Variants in IGSF21 observed in about 807,000 individuals in gnomAD.
IGSF21 encodes the protein immunoglobin superfamily member 21.
IGSF21 carries 28 observed loss-of-function variants against 46.8 expected under a neutral mutation model. The observed-to-expected ratio is 0.60, with a 90% CI of 0.44 to 0.82. The LOEUF is 0.82. IGSF21 is among the 40% of genes least tolerant of loss of function. The probability of loss-of-function intolerance (pLI) is 0.00; values close to 1 mark genes in which losing one functional copy is unlikely to be tolerated. For missense variants in IGSF21, 624 were observed against 665.5 expected, an observed-to-expected ratio of 0.94 and a Z score of 0.69; for synonymous variants, 284 against 273.6, an observed-to-expected ratio of 1.04 and a Z score of -0.38.
intron 2 of IGSF21, among the ~76,000 whole-genome samples, chr1:18,232,707 G>A (rs2084639844): frequency 6.6e-6 from 1 of 152,202 alleles, no homozygotes; most frequent in Non-Finnish European, 1.5e-5. Context: ...TATCTGAAGA[G>A]CAAAGACTGT....
intron 1 of IGSF21, among the ~76,000 whole-genome samples, chr1:18,171,562 C>A (rs1206735705): frequency 6.6e-6 from 1 of 152,198 alleles, no homozygotes; most frequent in Non-Finnish European, 1.5e-5. Context: ...CCACGAGTGA[C>A]TTTTCCTCTC....
chr1:18,217,792 C>T (rs1023033852), intron 1 of IGSF21, among the ~76,000 whole-genome samples: 1 of 152,180 alleles, frequency 6.6e-6, no homozygotes, highest in African/African-American at 2.4e-5. Context: ...AGTCAAAGGG[C>T]CTGCCTGCCA....
chr1:18,118,595 G>T (rs1570240905), intron 1 of IGSF21, among the ~76,000 whole-genome samples: 2 of 152,338 alleles, frequency 1.3e-5, no homozygotes, highest in South Asian at 4.1e-4. Flanking sequence ...GAAGGAGTGA[G>T]GTGGGGGGCG....
At chr1:18,294,850 G>A (rs1172679101) in intron 3 of IGSF21, among the ~76,000 whole-genome samples, 2 of 152,266 alleles carry the variant, frequency 1.3e-5, no homozygotes, top group Admixed American at 6.5e-5. Context: ...TGCTGGGGGC[G>A]ACTGCCTCTT....
intron 4 of IGSF21, among the ~76,000 whole-genome samples, chr1:18,348,672 G>A (rs2085920316): frequency 1.3e-5 from 2 of 152,194 alleles, no homozygotes; most frequent in South Asian, 4.1e-4. Flanking sequence ...TGGGAGAGCA[G>A]GGATCACAGC....
chr1:18,192,061 A>G (rs1210505066), intron 1 of IGSF21, among the ~76,000 whole-genome samples: 21 of 152,144 alleles, frequency 1.4e-4, no homozygotes, highest in Admixed American at 1.3e-3. Context: ...CAGGCTTCAG[A>G]TGGCAGAAGA....
At chr1:18,115,951 C>T (rs770360796) in intron 1 of IGSF21, 4 of 151,744 alleles carry the variant, frequency 2.6e-5, no homozygotes, top group Non-Finnish European at 4.4e-5. Context: ...CACCGAGCAG[C>T]TACTATGTGC....
chr1:18,180,521 G>C (rs1189745196), intron 1 of IGSF21, among the ~76,000 whole-genome samples: 1 of 152,208 alleles, frequency 6.6e-6, no homozygotes, highest in Non-Finnish European at 1.5e-5. Flanking sequence ...ATAAAACAAA[G>C]TGTAGACAGG....
At chr1:18,343,064 G>C (rs533975134) in intron 4 of IGSF21, among the ~76,000 whole-genome samples, 13 of 152,320 alleles carry the variant, frequency 8.5e-5, no homozygotes, top group Admixed American at 7.2e-4. Flanking sequence ...AACTGCATAT[G>C]AGTCCCAACT....
intron 2 of IGSF21, among the ~76,000 whole-genome samples, chr1:18,291,215 C>A (rs1346136864): frequency 6.6e-6 from 1 of 151,982 alleles, no homozygotes. Context: ...CTGGCTTCAT[C>A]GCCACCTCCC....
chr1:18,164,248 T>C (rs1206942858), intron 1 of IGSF21, among the ~76,000 whole-genome samples: 2 of 152,294 alleles, frequency 1.3e-5, no homozygotes, highest in East Asian at 1.9e-4. Flanking sequence ...TGGGTTTGAC[T>C]GACTCCAGGG....
rs1219322385 is a variant in IGSF21 at position 18,337,457 on chromosome 1, A to G, written c.424+2447A>G. Among the ~76,000 whole-genome samples, 1 of 152,168 alleles carries G rather than the reference A, an allele frequency of 6.6e-6. No individual in the cohort carries two copies. Among genetic ancestry groups the G allele is most frequent in the Non-Finnish European group, 1.5e-5 (1 of 68,028 alleles). ...CTCTGATGTGCCCACTCCTGGGCAC[A>G]ACTGTGTCTGCCTCCCTCTTGCCCC... On this transcript the variant is annotated intron_variant, in intron 4 of 9. Transcript: ENST00000251296. This position sits in a 1 kb window ranked among gnomAD's most constrained non-coding sequence, Gnocchi z 5.7.
Position 18,217,540 on chromosome 1 carries a change from C to T in IGSF21, c.71-10358C>T, listed in dbSNP as rs571982361. Reference sequence around the variant, plus strand: ...ACAACTTCCTGGCCCTCCTTGCAGACTTTGCTGGCTTTGAACTTGAAAATG... The same window carrying T: ...ACAACTTCCTGGCCCTCCTTGCAGATTTTGCTGGCTTTGAACTTGAAAATG... On this transcript the variant is annotated intron_variant, in intron 1 of 9. Coordinates refer to ENST00000251296, the MANE Select transcript of IGSF21 (RefSeq NM_032880.5). Among the ~76,000 whole-genome samples the T allele has an allele frequency of 3.9e-5, 6 of 152,362 alleles. No individual in the cohort carries two copies. In the South Asian group the frequency reaches 1.2e-3, roughly 32 times the overall value.
chr1:18,172,156 C>G (rs2086743150), intron 1 of IGSF21, among the ~76,000 whole-genome samples: 1 of 152,178 alleles, frequency 6.6e-6, no homozygotes, highest in Non-Finnish European at 1.5e-5. Context: ...TAGAATCCCC[C>G]TAGCTCAAGA....
Position 18,274,471 on chromosome 1 carries a change from C to T in IGSF21, c.184-17395C>T, listed in dbSNP as rs182866001. Among the ~76,000 whole-genome samples, 115 of 152,362 alleles carry T rather than the reference C, an allele frequency of 7.5e-4. No homozygotes were observed. The South Asian group carries it at 0.012, about 16-fold the overall frequency. On this transcript the variant is annotated intron_variant, in intron 2 of 9. Transcript: ENST00000251296. ...GGCTTATAAGCTAGACCAGGGGTTG[C>T]CTAACTCTGGCCCATTGGCCAAATC...
At chr1:18,134,794 C>T (rs2086354181) in intron 1 of IGSF21, among the ~76,000 whole-genome samples, 1 of 152,230 alleles carries the variant, frequency 6.6e-6, no homozygotes, top group Admixed American at 6.5e-5. Context: ...TCCACTGTGG[C>T]TGGCTCCTCC....
chr1:18,184,990 A>G (rs1027832819), intron 1 of IGSF21, among the ~76,000 whole-genome samples: 1 of 152,222 alleles, frequency 6.6e-6, no homozygotes. Context: ...AGTTGTTGGA[A>G]GAATACAAGG....
At chr1:18,275,919 G>T (rs924317230) in intron 2 of IGSF21, among the ~76,000 whole-genome samples, 1 of 152,120 alleles carries the variant, frequency 6.6e-6, no homozygotes, top group African/African-American at 2.4e-5. Context: ...CTCCTAAGAG[G>T]ACTACAGTCC....
rs370798003 is a variant in IGSF21, at chr1:18,365,266, T to C, written c.584T>C (p.Leu195Pro). Residue 195 changes from leucine (L) to proline (P), a missense_variant, in exon 6 of 10, where the codon CTA (leucine) becomes CCA (proline). Coordinates refer to ENST00000251296, the MANE Select transcript of IGSF21 (RefSeq NM_032880.5). The surrounding 1 kb of genome is among the most constrained non-coding windows in gnomAD (Gnocchi z 4.8). Reference protein sequence around the residue: ...RDGEPIDAVPLSEPPAASSGP... With the variant: ...RDGEPIDAVPPSEPPAASSGP... Reference sequence around the variant, plus strand: ...GGGGAACCAATCGACGCAGTGCCCCTATCAGAGCCACCAGCTGCGAGCTCC... The same window carrying C: ...GGGGAACCAATCGACGCAGTGCCCCCATCAGAGCCACCAGCTGCGAGCTCC... 4.3e-6 allele frequency: 7 copies of C among 1,613,232 alleles called. No individual in the cohort carries two copies. The African/African-American group carries it at 9.4e-5, about 22-fold the overall frequency.
Sources: gnomAD v4.1 joint callset for allele counts (sites outside exome capture counted in the v4.1 genomes callset) on GRCh38, gnomAD v4.1.1 for gene constraint, Gnocchi (gnomAD v3.1) non-coding constraint, MANE v1.5 for transcripts, NCBI Gene and HGNC (gene_info 2026-07-23, HGNC 2026-07-21) for gene names.